The following CACNB4 variants were observed in gnomAD, a reference collection of about 807,000 sequenced individuals.
CACNB4 encodes the protein voltage-dependent L-type calcium channel subunit beta-4.
CACNB4 carries 32 observed loss-of-function variants against 71.2 expected under a neutral mutation model. That is an observed-to-expected ratio of 0.45 (90% CI 0.34 to 0.60). CACNB4 has a LOEUF of 0.60. Ranked by LOEUF, CACNB4 falls within the 20% of genes least tolerant of loss-of-function variation. The probability of loss-of-function intolerance (pLI) is 0.01; values close to 1 mark genes in which losing one functional copy is unlikely to be tolerated. For synonymous variants in CACNB4, 231 were observed against 236.9 expected (o/e 0.97, Z 0.23); for missense variants, 464 against 647.9 (o/e 0.72, Z 3.08).
chr2:151,917,729 G>C (rs989506467), intron 2 of CACNB4, among the ~76,000 whole-genome samples: 1 of 151,748 alleles, frequency 6.6e-6, no homozygotes, highest in Non-Finnish European at 1.5e-5. Flanking sequence ...CCAACTACTT[G>C]GGAGGCTGAG....
intron 2 of CACNB4, chr2:151,968,857 T>C (rs2099871807): frequency 6.6e-6 from 1 of 152,214 alleles, no homozygotes; most frequent in South Asian, 2.1e-4. Flanking sequence ...ATCCGAATTC[T>C]TGCCTCTGTG....
intron 2 of CACNB4, among the ~76,000 whole-genome samples, chr2:151,999,837 G>A (rs369071896): frequency 9.9e-5 from 15 of 152,268 alleles, no homozygotes; most frequent in Middle Eastern, 3.4e-3. Context: ...AACTCTTGGC[G>A]GGGAGAGTCT....
intron 2 of CACNB4, among the ~76,000 whole-genome samples, chr2:152,053,293 G>C (rs1364046450): frequency 2.6e-5 from 4 of 152,130 alleles, no homozygotes; most frequent in Non-Finnish European, 5.9e-5. Context: ...GGACAGTGAT[G>C]TAGTCAATCA....
chr2:151,952,643 A>T (rs1255407193), intron 2 of CACNB4, among the ~76,000 whole-genome samples: 1 of 152,240 alleles, frequency 6.6e-6, no homozygotes, highest in Non-Finnish European at 1.5e-5. Flanking sequence ...CCCGAGAAGC[A>T]GCTAGTCCAG....
intron 11 of CACNB4, chr2:151,853,923 A>T (rs1356499596): frequency 6.4e-6 from 1 of 155,604 alleles, no homozygotes; most frequent in Non-Finnish European, 1.4e-5. Context: ...TCCATGTCAG[A>T]TAAATGTCAG....
chr2:151,876,738 A>AAAC (rs1255187619), intron 4 of CACNB4, among the ~76,000 whole-genome samples, 182 bp from the exon 5 acceptor site: 1 of 143,608 alleles, frequency 7.0e-6, no homozygotes, highest in Non-Finnish European at 1.5e-5. Context: ...ACTATAGACT[A>AAAC]TATTTTATAT....
At chr2:151,883,832 G>A in intron 2 of CACNB4, 2 of 217,160 alleles carry the variant, frequency 9.2e-6, no homozygotes, top group South Asian at 1.3e-4. Flanking sequence ...TCTTACATTA[G>A]TAAAATGATT....
chr2:151,999,338 G>C (rs1682262674), intron 2 of CACNB4, among the ~76,000 whole-genome samples: 1 of 149,690 alleles, frequency 6.7e-6, no homozygotes, highest in Non-Finnish European at 1.5e-5. Flanking sequence ...TTTCTTTCCA[G>C]TTGATGGTAC....
At chr2:151,941,440 C>G (rs968963716) in intron 2 of CACNB4, among the ~76,000 whole-genome samples, 2 of 151,878 alleles carry the variant, frequency 1.3e-5, no homozygotes, top group Non-Finnish European at 2.9e-5. Flanking sequence ...TGCCACCATG[C>G]CTGGCTAATT....
At chr2:152,007,597 C>G (rs1296404342) in intron 2 of CACNB4, among the ~76,000 whole-genome samples, 1 of 152,180 alleles carries the variant, frequency 6.6e-6, no homozygotes, top group Non-Finnish European at 1.5e-5. Context: ...GTGTATCCTA[C>G]ATTTTCTTTA....
intron 4 of CACNB4, among the ~76,000 whole-genome samples, chr2:151,878,304 G>T (rs1195243429): frequency 6.6e-6 from 1 of 151,998 alleles, no homozygotes; most frequent in Non-Finnish European, 1.5e-5. Flanking sequence ...AAATTATTCT[G>T]AGTAACAGCT....
At chr2:152,074,934 T>C (rs1251426219) in intron 2 of CACNB4, among the ~76,000 whole-genome samples, 1 of 152,092 alleles carries the variant, frequency 6.6e-6, no homozygotes, top group Non-Finnish European at 1.5e-5. Flanking sequence ...TCACCAGTAT[T>C]ACCATCATCA....
At chr2:151,931,281 T>C (rs2099861566) in intron 2 of CACNB4, among the ~76,000 whole-genome samples, 1 of 152,208 alleles carries the variant, frequency 6.6e-6, no homozygotes, top group East Asian at 1.9e-4. Flanking sequence ...GTCACTGGAA[T>C]ACAGTATCTG....
chr2:151,841,598 T>G (rs2099836252), intron 13 of CACNB4: 1 of 290,926 alleles, frequency 3.4e-6, no homozygotes, highest in Admixed American at 5.1e-5. Context: ...TAAAAAAAAG[T>G]AATGGGCAGG....
intron 2 of CACNB4, among the ~76,000 whole-genome samples, chr2:151,885,372 C>A (rs146863411): frequency 1.6e-3 from 248 of 152,314 alleles, no homozygotes; most frequent in African/African-American, 5.7e-3. Flanking sequence ...TCACTGAATC[C>A]TTGCAGCAGT....
At chr2:151,915,084 TA>T (rs2099857110) in intron 2 of CACNB4, among the ~76,000 whole-genome samples, 2 of 152,152 alleles carry the variant, frequency 1.3e-5, no homozygotes, top group Admixed American at 1.3e-4. Context: ...GAGGAGAGGC[TA>T]AGTTTGCTGG....
chr2:152,018,648 C>T (rs7585215), intron 2 of CACNB4, among the ~76,000 whole-genome samples: 61,444 of 151,756 alleles, frequency 0.4, 15,435 homozygotes, highest in Non-Finnish European at 0.57. Context: ...ACAGAAAATA[C>T]AAAAATTATC....
intron 2 of CACNB4, among the ~76,000 whole-genome samples, chr2:152,064,260 A>G (rs1686176149): frequency 6.6e-6 from 1 of 152,250 alleles, no homozygotes; most frequent in Admixed American, 6.5e-5. Flanking sequence ...CCCAGGGAGA[A>G]GGCAAAAACA....
intron 2 of CACNB4, among the ~76,000 whole-genome samples, chr2:152,055,797 C>G (rs892246540): frequency 6.6e-6 from 1 of 152,136 alleles, no homozygotes; most frequent in Non-Finnish European, 1.5e-5. Flanking sequence ...GAACTCTAAC[C>G]TCTGAAATTT....
Sources: gnomAD v4.1 joint callset for allele counts (sites outside exome capture counted in the v4.1 genomes callset) on GRCh38, gnomAD v4.1.1 for gene constraint, MANE v1.5 for transcripts, NCBI Gene and HGNC (gene_info 2026-07-23, HGNC 2026-07-21) for gene names.